Variants in KMT2C observed in about 807,000 individuals in gnomAD.
The protein encoded by KMT2C is lysine methyltransferase 2C, also known as histone-lysine N-methyltransferase 2C.
A neutral mutation model predicts 507.9 loss-of-function variants in KMT2C; 88 were observed. The ratio of observed to expected loss-of-function variants is 0.17; its 90% CI spans 0.15 to 0.21. KMT2C has a LOEUF of 0.21. Ranked by LOEUF, KMT2C falls within the 10% of genes least tolerant of loss-of-function variation. The pLI is 1.00. For synonymous variants in KMT2C, 2,049 were observed against 2,080.8 expected (o/e 0.98, Z 0.42); for missense variants, 4,954 against 5,957.8 (o/e 0.83, Z 5.55).
At chr7:152,226,992 T>G (rs1228337315) in intron 18 of KMT2C, among the ~76,000 whole-genome samples, 1 of 152,172 alleles carries the variant, frequency 6.6e-6, no homozygotes, top group Non-Finnish European at 1.5e-5. Flanking sequence ...TTATCTTCAT[T>G]CCTACTAAGT....
intron 1 of KMT2C, among the ~76,000 whole-genome samples, chr7:152,383,551 T>C (rs560337844): frequency 6.6e-6 from 1 of 152,320 alleles, no homozygotes; most frequent in Admixed American, 6.5e-5. Context: ...TTACACATGT[T>C]ATGGGAACTA....
chr7:152,227,371 A>G (rs2078405), intron 18 of KMT2C, among the ~76,000 whole-genome samples: 1,650 of 152,304 alleles, frequency 0.011, 27 homozygotes, highest in African/African-American at 0.038. Flanking sequence ...GTTGTTACAG[A>G]TATGTTTTAT....
intron 1 of KMT2C, among the ~76,000 whole-genome samples, chr7:152,431,931 C>G (rs1443482730): frequency 1.3e-5 from 2 of 152,176 alleles, no homozygotes; most frequent in Non-Finnish European, 2.9e-5. Flanking sequence ...TTTTCTATCA[C>G]TTATTTCAAA....
At chr7:152,342,592 A>C (rs1183373836) in intron 2 of KMT2C, among the ~76,000 whole-genome samples, 1 of 152,234 alleles carries the variant, frequency 6.6e-6, no homozygotes, top group Non-Finnish European at 1.5e-5. Flanking sequence ...GCAGAAACCC[A>C]TGGGTAAAAA....
At chr7:152,337,855 GA>G (rs2096951945) in intron 2 of KMT2C, among the ~76,000 whole-genome samples, 1 of 148,956 alleles carries the variant, frequency 6.7e-6, no homozygotes, top group African/African-American at 2.5e-5. Flanking sequence ...TATACAACTT[GA>G]TTTTTTTTTT....
intron 14 of KMT2C, 77 bp downstream of exon 14, chr7:152,247,824 CA>C (rs2129163617): frequency 8.5e-7 from 1 of 1,179,692 alleles, no homozygotes; most frequent in Non-Finnish European, 1.2e-6. Flanking sequence ...CCATCCACAC[CA>C]AAGCTACACA....
At chr7:152,316,045 G>GAT (rs905136033) in intron 3 of KMT2C, among the ~76,000 whole-genome samples, 12 of 152,020 alleles carry the variant, frequency 7.9e-5, no homozygotes, top group African/African-American at 2.7e-4. Context: ...CATTATGCAT[G>GAT]ATATATATAT....
At chr7:152,347,745 AAAC>A (rs1366827100) in intron 2 of KMT2C, among the ~76,000 whole-genome samples, 1 of 152,224 alleles carries the variant, frequency 6.6e-6, no homozygotes, top group Non-Finnish European at 1.5e-5. Flanking sequence ...TTATGGTAGT[AAAC>A]AATAAAACAG....
intron 1 of KMT2C, among the ~76,000 whole-genome samples, chr7:152,376,097 G>C (rs1010095854): frequency 6.6e-6 from 1 of 152,170 alleles, no homozygotes; most frequent in Non-Finnish European, 1.5e-5. Context: ...GAGCTACCAT[G>C]CTATCTTTGA....
intron 1 of KMT2C, among the ~76,000 whole-genome samples, chr7:152,376,465 G>A (rs1463283296): frequency 6.6e-6 from 1 of 152,170 alleles, no homozygotes; most frequent in East Asian, 1.9e-4. Flanking sequence ...AAAAATTCTT[G>A]AATAAAATTA....
intron 1 of KMT2C, among the ~76,000 whole-genome samples, chr7:152,373,015 TAAC>T (rs1280030385): frequency 2.0e-5 from 3 of 152,162 alleles, no homozygotes; most frequent in South Asian, 2.1e-4. Flanking sequence ...AGTATCTTTC[TAAC>T]AACAATTGTA....
chr7:152,427,734 C>A (rs1329211069), intron 1 of KMT2C, among the ~76,000 whole-genome samples: 4 of 152,192 alleles, frequency 2.6e-5, no homozygotes, highest in African/African-American at 9.7e-5. Flanking sequence ...TTCCCATACG[C>A]CATATTCTCA....
At chr7:152,329,949 T>A (rs959334254) in intron 3 of KMT2C, among the ~76,000 whole-genome samples, 1 of 151,636 alleles carries the variant, frequency 6.6e-6, no homozygotes, top group Non-Finnish European at 1.5e-5. Context: ...ATCGAGACCA[T>A]CCTGGCCAAC....
chr7:152,417,794 A>C (rs887027517), intron 1 of KMT2C, among the ~76,000 whole-genome samples: 1 of 151,516 alleles, frequency 6.6e-6, no homozygotes, highest in African/African-American at 2.4e-5. Context: ...GGCGCCTGCC[A>C]CCACACCCAG....
chr7:152,181,306 G>T lies in KMT2C; in HGVS notation c.6554C>A (p.Thr2185Lys). The change falls in exon 36 of 59, where the codon ACA (threonine) becomes AAA (lysine). Residue 2185 changes from threonine to lysine, a missense_variant. Thr to Lys is a moderately conservative substitution (Grantham distance 78, BLOSUM62 -1). Around this residue, in one of 29 missense-constraint regions of KMT2C, gnomAD observed 1,689 missense variants for 1,654.3 expected, o/e 1.02. Transcript: ENST00000262189. ...SQQPQTPRPS[T>K]QTDLFVTPVT... ...AGGTGTAACAAACAAGTCAGTTTGTGTAGATGGTCTTGGGGTTTGGGGCTG... is the reference window on the plus strand; with the variant it reads ...AGGTGTAACAAACAAGTCAGTTTGTTTAGATGGTCTTGGGGTTTGGGGCTG... 6.2e-7 allele frequency: 1 copy of T among 1,614,108 alleles called. No homozygotes were observed.
rs1289915818 is a variant in KMT2C at position 152,166,790 on chromosome 7, CAAT to C, written c.9750+353_9750+355del. Among the ~76,000 whole-genome samples the C allele has an allele frequency of 2.0e-5, 3 of 152,170 alleles. No homozygotes were observed. The East Asian group carries it at 5.8e-4, about 29-fold the overall frequency. The stretch of plus-strand genomic sequence containing the variant: ...GGTCCTCAGTTAAGTCGAATACTCT[CAAT>C]GATGTATAACAGAAACATGGTCTTT... On this transcript the variant is annotated intron_variant, in intron 42 of 58. Coordinates refer to ENST00000262189, the MANE Select transcript of KMT2C (RefSeq NM_170606.3).
chr7:152,280,236 T>C (rs1360981876), intron 6 of KMT2C, among the ~76,000 whole-genome samples: 2 of 151,836 alleles, frequency 1.3e-5, no homozygotes, highest in African/African-American at 2.4e-5. Context: ...CCCAAGCCAA[T>C]AGGCAGTAAG....
intron 50 of KMT2C, 61 bp from the exon 51 acceptor site, chr7:152,151,068 T>C (rs2129096453): frequency 1.0e-6 from 1 of 989,268 alleles, no homozygotes; most frequent in Non-Finnish European, 1.6e-6. Context: ...AAAAACAGGA[T>C]CTATACATTA....
rs2129096682 is a variant in KMT2C, at chr7:152,151,498, C to G, written c.12610G>C (p.Val4204Leu). The G allele has an allele frequency of 6.2e-7, 1 of 1,614,148 alleles. No homozygotes were observed. The highest frequency in any genetic ancestry group is 8.5e-7 in the Non-Finnish European group (1 of 1,179,988). Reference protein sequence around the residue: ...RPQWCCHCKVVILGSGVRKSF... With the variant: ...RPQWCCHCKVLILGSGVRKSF... Reference sequence around the variant, plus strand: ...TTCCGCACACCACTTCCAAGAATAACCACTTTACAATGACAACACCACTGT... The same window carrying G: ...TTCCGCACACCACTTCCAAGAATAAGCACTTTACAATGACAACACCACTGT... The change falls in exon 50 of 59, where the codon GTT (valine) becomes CTT (leucine). Residue 4204 changes from valine (V) to leucine (L), a missense_variant. Val to Leu is a conservative substitution (Grantham distance 32). Coordinates refer to ENST00000262189, the MANE Select transcript of KMT2C (RefSeq NM_170606.3).
Sources: gnomAD v4.1 joint callset for allele counts (sites outside exome capture counted in the v4.1 genomes callset) on GRCh38, gnomAD v4.1.1 for gene constraint, gnomAD v4.1.1 regional missense constraint, MANE v1.5 for transcripts, NCBI Gene and HGNC (gene_info 2026-07-23, HGNC 2026-07-21) for gene names.